Variants in SNX29 observed in about 807,000 individuals in gnomAD.
SNX29 encodes the protein sorting nexin-29.
In SNX29, 78 loss-of-function variants were observed where a neutral mutation model predicts 102.1. The ratio of observed to expected loss-of-function variants is 0.76; its 90% confidence interval spans 0.64 to 0.92. The LOEUF (loss-of-function observed/expected upper bound fraction) is 0.92. SNX29 is among the 40% of genes least tolerant of loss of function. The pLI, the probability that SNX29 is intolerant of heterozygous loss-of-function variation, is 0.00. For missense variants in SNX29, 1,280 were observed against 1,061.7 expected, an observed-to-expected ratio of 1.21 and a Z score of -2.86; for synonymous variants, 580 against 414.5, an observed-to-expected ratio of 1.40 and a Z score of -4.85.
chr16:12,562,972 G>GCAAAGGAACA (rs67252428), intron 20 of SNX29, among the ~76,000 whole-genome samples: 2 of 84,136 alleles, frequency 2.4e-5, no homozygotes, highest in African/African-American at 1.3e-4. Flanking sequence ...CACAAGGGGT[G>GCAAAGGAACA]AGGGCTGATG....
At chr16:12,545,909 T>G (rs187690603) in intron 20 of SNX29, among the ~76,000 whole-genome samples, 12 of 152,286 alleles carry the variant, frequency 7.9e-5, no homozygotes, top group Admixed American at 5.2e-4. Flanking sequence ...TGGAGCATTC[T>G]AGGTGTTCGG....
At chr16:12,299,998 GT>G (rs2080113726) in intron 15 of SNX29, among the ~76,000 whole-genome samples, 1 of 152,116 alleles carries the variant, frequency 6.6e-6, no homozygotes, top group Non-Finnish European at 1.5e-5. Context: ...AGCCTCCTGA[GT>G]AGCTGGGACC....
chr16:11,980,027 T>G (rs745839519), intron 1 of SNX29, among the ~76,000 whole-genome samples: 1 of 152,236 alleles, frequency 6.6e-6, no homozygotes, highest in Non-Finnish European at 1.5e-5. Flanking sequence ...GTTTTAAATC[T>G]TTTAGGTCTC....
intron 13 of SNX29, among the ~76,000 whole-genome samples, chr16:12,138,800 G>T (rs559749489): frequency 3.3e-5 from 5 of 152,124 alleles, no homozygotes; most frequent in Non-Finnish European, 7.4e-5. Context: ...TAGGCTGCTG[G>T]CAAAAGGCAC....
intron 20 of SNX29, chr16:12,527,182 A>G (rs1198976184): frequency 3.8e-6 from 2 of 531,062 alleles, no homozygotes; most frequent in Non-Finnish European, 3.7e-6. Flanking sequence ...ATGGGATTAC[A>G]GGTCGGAATG....
intron 18 of SNX29, among the ~76,000 whole-genome samples, chr16:12,410,968 A>G (rs1198288456): frequency 6.6e-6 from 1 of 152,080 alleles, no homozygotes; most frequent in Non-Finnish European, 1.5e-5. Context: ...TCTTTTACCC[A>G]CAGCTCTGTC....
Position 12,568,687 on chromosome 16 carries a change from C to G in SNX29, c.*58C>G. 1 of 1,582,164 alleles carries G rather than the reference C, an allele frequency of 6.3e-7. No individual in the cohort carries two copies. The highest frequency in any genetic ancestry group is 2.3e-5 in the East Asian group (1 of 44,354). On this transcript the variant is annotated 3_prime_UTR_variant, in exon 21 of 21. Transcript: ENST00000566228. Reference sequence around the variant, plus strand: ...GTGGCACCAGCTGCGTCCACCCCAGCCACTGCCGCTGGCCCCTCACCTCAG... The same window carrying G: ...GTGGCACCAGCTGCGTCCACCCCAGGCACTGCCGCTGGCCCCTCACCTCAG...
chr16:12,015,052 C>T (rs1198597617), intron 3 of SNX29, among the ~76,000 whole-genome samples: 1 of 151,884 alleles, frequency 6.6e-6, no homozygotes, highest in Non-Finnish European at 1.5e-5. Flanking sequence ...ATGTTAATGA[C>T]CAAGAATTAT....
intron 14 of SNX29, among the ~76,000 whole-genome samples, chr16:12,232,424 G>T (rs2077797203): frequency 6.6e-6 from 1 of 152,210 alleles, no homozygotes; most frequent in Non-Finnish European, 1.5e-5. Context: ...GGAGACTGAG[G>T]CACAAGAATC....
At chr16:12,258,808 T>TGC (rs1268669796) in intron 14 of SNX29, among the ~76,000 whole-genome samples, 1 of 152,168 alleles carries the variant, frequency 6.6e-6, no homozygotes, top group African/African-American at 2.4e-5. Flanking sequence ...CTGTTAAAGG[T>TGC]GCCCAGTGTG....
intron 13 of SNX29, among the ~76,000 whole-genome samples, chr16:12,184,923 T>C (rs368027810): frequency 7.2e-5 from 11 of 152,288 alleles, no homozygotes; most frequent in African/African-American, 2.4e-4. Context: ...AGAAATGTGG[T>C]TTATTTGGCT....
chr16:12,539,953 G>C (rs80314392), intron 20 of SNX29, among the ~76,000 whole-genome samples: 1 of 152,182 alleles, frequency 6.6e-6, no homozygotes, highest in Non-Finnish European at 1.5e-5. Context: ...GACCTTTGTC[G>C]AACATGTGAG....
chr16:12,281,713 C>T (rs999129646), intron 15 of SNX29, among the ~76,000 whole-genome samples: 2 of 152,072 alleles, frequency 1.3e-5, no homozygotes, highest in African/African-American at 4.8e-5. Flanking sequence ...CTCTTGCTGC[C>T]TCCAGTTCAC....
rs111376207 is a variant in SNX29, at chr16:12,569,427, G to C, written c.*798G>C. On this transcript the variant is annotated 3_prime_UTR_variant, in exon 21 of 21. Transcript: ENST00000566228. ...ACCTAGTAACCCGGCGTCATCCAGC[G>C]TGTCCAAAGTAGCATTGGCCCTACA... 1.3e-3 allele frequency: 307 copies of C among 230,514 alleles called. 4 individuals are homozygous for C. Among genetic ancestry groups the C allele is most frequent in the African/African-American group, 6.4e-3 (292 of 45,284 alleles). 14.3% of individuals were successfully genotyped at this position (230,514 alleles called of 1,614,324 possible). A position where few individuals can be genotyped will look rare whatever the true frequency, so the allele number is the denominator to read the frequency against.
chr16:12,305,905 C>T (rs1436573943), intron 15 of SNX29, among the ~76,000 whole-genome samples: 1 of 152,090 alleles, frequency 6.6e-6, no homozygotes, highest in Non-Finnish European at 1.5e-5. Flanking sequence ...TGTAATATGC[C>T]AATTCTCCAG....
intron 14 of SNX29, among the ~76,000 whole-genome samples, chr16:12,217,475 C>T (rs2077354810): frequency 6.6e-6 from 1 of 152,098 alleles, no homozygotes; most frequent in Non-Finnish European, 1.5e-5. Flanking sequence ...TACTTTGAAA[C>T]CTACAGGTGG....
intron 1 of SNX29, among the ~76,000 whole-genome samples, chr16:11,981,139 T>G (rs1039761927): frequency 1.1e-4 from 17 of 151,986 alleles, no homozygotes; most frequent in African/African-American, 4.1e-4. Context: ...AGCTAACTTT[T>G]TTGTTGTTTC....
chr16:12,562,385 CAA>C (rs887380265), intron 20 of SNX29, among the ~76,000 whole-genome samples: 2 of 84,592 alleles, frequency 2.4e-5, no homozygotes, highest in East Asian at 1.1e-3. Context: ...TAAAACAGCT[CAA>C]GAGACAGATC....
At chr16:12,487,705 C>T (rs1045264010) in intron 19 of SNX29, among the ~76,000 whole-genome samples, 3 of 152,140 alleles carry the variant, frequency 2.0e-5, no homozygotes, top group South Asian at 2.1e-4. Flanking sequence ...CCCACCTGTT[C>T]GCAGCAGAGA....
Sources: gnomAD v4.1 joint callset for allele counts (sites outside exome capture counted in the v4.1 genomes callset) on GRCh38, gnomAD v4.1.1 for gene constraint, MANE v1.5 for transcripts, NCBI Gene and HGNC (gene_info 2026-07-23, HGNC 2026-07-21) for gene names.